The following L3MBTL4 variants were observed in gnomAD, a reference collection of about 807,000 sequenced individuals.
The protein encoded by L3MBTL4 is lethal(3)malignant brain tumor-like protein 4.
A neutral mutation model predicts 84.5 loss-of-function variants in L3MBTL4; 70 were observed. The observed-to-expected ratio is 0.83, with a 90% CI of 0.68 to 1.01. L3MBTL4 has a LOEUF of 1.01. L3MBTL4 is among the 50% of genes least tolerant of loss of function. L3MBTL4 has a pLI of 0.00. For synonymous variants in L3MBTL4, 274 were observed against 259.8 expected, an observed-to-expected ratio of 1.05 and a Z score of -0.52; for missense variants, 715 against 754.8, an observed-to-expected ratio of 0.95 and a Z score of 0.62.
Position 5,995,657 on chromosome 18 carries a change from G to A in L3MBTL4, c.1445-26095C>T, listed in dbSNP as rs191975698. Among the ~76,000 whole-genome samples, 548 of 152,294 alleles carry A rather than the reference G, an allele frequency of 3.6e-3. 2 individuals carry two copies. Among genetic ancestry groups the A allele is most frequent in the Non-Finnish European group, 5.9e-3 (404 of 68,022 alleles). On this transcript the variant is annotated intron_variant, in intron 16 of 18. Coordinates refer to ENST00000317931, the MANE Select transcript of L3MBTL4 (RefSeq NM_001330559.2). ...GGAGAGACAGAACTCTGCAAATAGA[G>A]CTGAGGGAATACTCAAAAGACAGAT...
intron 16 of L3MBTL4, among the ~76,000 whole-genome samples, chr18:6,073,285 G>A (rs1444351901): frequency 6.6e-6 from 1 of 150,872 alleles, no homozygotes; most frequent in Non-Finnish European, 1.5e-5. Flanking sequence ...CTAATCAGAG[G>A]GTATTATAAA....
intron 5 of L3MBTL4, chr18:6,256,764 T>C (rs2048160052): frequency 6.6e-6 from 1 of 152,118 alleles, no homozygotes. Flanking sequence ...CCAAGGACAG[T>C]GGGTTTCCCG....
chr18:6,193,897 C>T (rs1350053432), intron 12 of L3MBTL4, among the ~76,000 whole-genome samples: 1 of 152,186 alleles, frequency 6.6e-6, no homozygotes, highest in Non-Finnish European at 1.5e-5. Context: ...CCAAAAAGCA[C>T]ACCAGGGAAT....
At chr18:6,004,415 G>A (rs1377758302) in intron 16 of L3MBTL4, among the ~76,000 whole-genome samples, 1 of 152,116 alleles carries the variant, frequency 6.6e-6, no homozygotes, top group Non-Finnish European at 1.5e-5. Context: ...AGCCCTGGAC[G>A]AGACTGCTTC....
At chr18:6,249,969 G>A (rs1362950304) in intron 5 of L3MBTL4, among the ~76,000 whole-genome samples, 2 of 152,186 alleles carry the variant, frequency 1.3e-5, no homozygotes, top group East Asian at 3.9e-4. Context: ...AAACCTGCCA[G>A]CTGTGTGTTC....
chr18:6,301,170 A>G (rs1599547620), intron 4 of L3MBTL4, among the ~76,000 whole-genome samples: 1 of 152,180 alleles, frequency 6.6e-6, no homozygotes, highest in East Asian at 1.9e-4. Flanking sequence ...CCATTATTTA[A>G]AAATAAACAC....
chr18:6,181,595 G>A (rs372657281), intron 12 of L3MBTL4, among the ~76,000 whole-genome samples: 1 of 152,198 alleles, frequency 6.6e-6, no homozygotes, highest in African/African-American at 2.4e-5. Context: ...CTCTCAAAGT[G>A]CTGGGATTAC....
intron 5 of L3MBTL4, chr18:6,260,148 T>G (rs993188029): frequency 6.6e-6 from 1 of 152,232 alleles, no homozygotes; most frequent in Non-Finnish European, 1.5e-5. Flanking sequence ...CATTGTTCTA[T>G]GTATGTGTTT....
At chr18:5,971,404 A>C (rs1030519267) in intron 16 of L3MBTL4, among the ~76,000 whole-genome samples, 1 of 152,142 alleles carries the variant, frequency 6.6e-6, no homozygotes, top group Non-Finnish European at 1.5e-5. Flanking sequence ...TAACCACATC[A>C]CTCAATCAGT....
chr18:6,263,562 T>A (rs540906035), intron 5 of L3MBTL4, among the ~76,000 whole-genome samples: 2 of 152,348 alleles, frequency 1.3e-5, no homozygotes, highest in East Asian at 1.9e-4. Context: ...TCCCTCTAAC[T>A]GCAGGTAATA....
At chr18:6,333,519 G>A (rs1053194300) in intron 1 of L3MBTL4, among the ~76,000 whole-genome samples, 6 of 150,264 alleles carry the variant, frequency 4.0e-5, no homozygotes, top group Non-Finnish European at 8.8e-5. Context: ...AGGTTGCAGT[G>A]AGCCAAGATC....
chr18:6,136,420 A>G (rs1443887055), intron 14 of L3MBTL4, among the ~76,000 whole-genome samples: 1 of 152,150 alleles, frequency 6.6e-6, no homozygotes, highest in Non-Finnish European at 1.5e-5. Context: ...TAAAGTAACA[A>G]AAGGACCAGA....
chr18:6,076,039 G>T (rs538056582), intron 16 of L3MBTL4, among the ~76,000 whole-genome samples: 7 of 152,244 alleles, frequency 4.6e-5, no homozygotes, highest in African/African-American at 1.4e-4. Context: ...ATACTGTGCT[G>T]GTAGGAACAT....
intron 12 of L3MBTL4, among the ~76,000 whole-genome samples, chr18:6,179,532 G>T (rs148641774): frequency 6.6e-6 from 1 of 152,336 alleles, no homozygotes; most frequent in African/African-American, 2.4e-5. Flanking sequence ...CAAGACATCT[G>T]CCCTGCTGTG....
chr18:6,330,230 C>T (rs950280983), intron 1 of L3MBTL4, among the ~76,000 whole-genome samples: 1 of 152,244 alleles, frequency 6.6e-6, no homozygotes, highest in African/African-American at 2.4e-5. Flanking sequence ...TTTCCTATTG[C>T]TGCTGTAACA....
At chr18:6,361,215 C>T (rs2053679743) in intron 1 of L3MBTL4, among the ~76,000 whole-genome samples, 2 of 152,070 alleles carry the variant, frequency 1.3e-5, no homozygotes, top group African/African-American at 4.8e-5. Context: ...AAGAGAAATG[C>T]TCAGGACCAC....
intron 16 of L3MBTL4, among the ~76,000 whole-genome samples, chr18:6,016,228 G>C (rs12457021): frequency 0.48 from 72,872 of 151,992 alleles, 19,940 homozygotes; most frequent in Non-Finnish European, 0.65. Flanking sequence ...GAGCAGCAGG[G>C]GCACGGATGG....
intron 1 of L3MBTL4, among the ~76,000 whole-genome samples, chr18:6,327,047 AAGC>A (rs1232226109): frequency 6.6e-6 from 1 of 152,216 alleles, no homozygotes; most frequent in Non-Finnish European, 1.5e-5. Context: ...TATTACTAGA[AAGC>A]AGGGAAATGC....
intron 4 of L3MBTL4, among the ~76,000 whole-genome samples, chr18:6,295,186 C>T (rs973170791): frequency 1.1e-4 from 17 of 151,786 alleles, no homozygotes; most frequent in Non-Finnish European, 2.1e-4. Context: ...GCAGGAGAAT[C>T]GTTTGAACCT....
Sources: gnomAD v4.1 joint callset for allele counts (sites outside exome capture counted in the v4.1 genomes callset) on GRCh38, gnomAD v4.1.1 for gene constraint, MANE v1.5 for transcripts, NCBI Gene and HGNC (gene_info 2026-07-23, HGNC 2026-07-21) for gene names.